The following NELL1 variants were observed in gnomAD, a reference collection of about 807,000 sequenced individuals.
The protein encoded by NELL1 is neural EGFL like 1, also known as protein kinase C-binding protein NELL1.
NELL1 carries 76 observed loss-of-function variants against 107.4 expected under a neutral mutation model. That is an observed-to-expected ratio of 0.71 (90% confidence interval 0.59 to 0.86). The LOEUF is 0.86. Among genes scored for constraint, NELL1 ranks in the 40% least tolerant of loss-of-function variants. The pLI, the probability that NELL1 is intolerant of heterozygous loss-of-function variation, is 0.00. For synonymous variants in NELL1, 353 were observed against 341.2 expected, an observed-to-expected ratio of 1.03 and a Z score of -0.38; for missense variants, 1,024 against 1,005.5, an observed-to-expected ratio of 1.02 and a Z score of -0.25.
At chr11:20,821,331 C>A (rs1206827524) in intron 3 of NELL1, among the ~76,000 whole-genome samples, 2 of 152,172 alleles carry the variant, frequency 1.3e-5, no homozygotes, top group African/African-American at 4.8e-5. Context: ...GAGTTTACCA[C>A]TGAGCAGCTT....
intron 5 of NELL1, among the ~76,000 whole-genome samples, chr11:20,895,144 C>T (rs1457657889): frequency 3.5e-5 from 5 of 141,766 alleles, no homozygotes; most frequent in South Asian, 4.6e-4. Flanking sequence ...TAGTGGCGGG[C>T]GCCTGTAGTC....
Position 21,450,063 on chromosome 11 carries a change from C to A in NELL1, c.1645+79115C>A, listed in dbSNP as rs1008375497. On this transcript the variant is annotated intron_variant, in intron 15 of 19. Transcript: ENST00000357134. ...AATTCCTAGCTTGCCTAGTTGGTGA[C>A]CTGTTAACACTAATGAAAATGGCTA... Among the ~76,000 whole-genome samples the A allele has an allele frequency of 2.0e-5, 3 of 152,236 alleles. No homozygotes were observed. The South Asian group carries it at 6.2e-4, about 32-fold the overall frequency.
chr11:21,309,268 A>G (rs1303619219), intron 14 of NELL1, among the ~76,000 whole-genome samples: 8 of 36,156 alleles, frequency 2.2e-4, no homozygotes, highest in African/African-American at 8.2e-4. Flanking sequence ...ATGTATATAT[A>G]TATATATATA....
intron 4 of NELL1, among the ~76,000 whole-genome samples, chr11:20,873,570 G>A (rs947672258): frequency 6.6e-6 from 1 of 152,094 alleles, no homozygotes; most frequent in Admixed American, 6.5e-5. Flanking sequence ...GTGCTTACAC[G>A]GAAAATCCTG....
intron 14 of NELL1, among the ~76,000 whole-genome samples, chr11:21,279,436 C>T (rs915517889): frequency 6.6e-6 from 1 of 152,068 alleles, no homozygotes; most frequent in Admixed American, 6.6e-5. Flanking sequence ...AATGAACAAC[C>T]TGATTAAAAA....
At chr11:21,167,254 T>C (rs1201287395) in intron 13 of NELL1, among the ~76,000 whole-genome samples, 1 of 151,854 alleles carries the variant, frequency 6.6e-6, no homozygotes, top group Non-Finnish European at 1.5e-5. Context: ...AGCCACATAC[T>C]TTTCAGTTTT....
At chr11:21,123,153 T>C (rs1855408920) in intron 13 of NELL1, among the ~76,000 whole-genome samples, 1 of 152,210 alleles carries the variant, frequency 6.6e-6, no homozygotes, top group African/African-American at 2.4e-5. Flanking sequence ...AGATTTATTG[T>C]CATGTCTCAT....
At chr11:21,240,458 C>A (rs1308728375) in intron 14 of NELL1, among the ~76,000 whole-genome samples, 2 of 151,912 alleles carry the variant, frequency 1.3e-5, no homozygotes, top group South Asian at 4.2e-4. Context: ...GAAGGTTACG[C>A]TTAAAGGTCT....
At chr11:21,054,595 C>T (rs1450391023) in intron 12 of NELL1, among the ~76,000 whole-genome samples, 3 of 152,018 alleles carry the variant, frequency 2.0e-5, no homozygotes, top group African/African-American at 7.2e-5. Context: ...ACCGGATTGT[C>T]TTCACTAATA....
At chr11:20,719,804 C>G (rs1715267) in intron 2 of NELL1, among the ~76,000 whole-genome samples, 12,860 of 152,166 alleles carry the variant, frequency 0.085, 1,212 homozygotes, top group African/African-American at 0.23. Flanking sequence ...TTTTTATCAT[C>G]TATTTAATTC....
intron 14 of NELL1, among the ~76,000 whole-genome samples, chr11:21,231,262 C>G (rs1490524444): frequency 6.6e-6 from 1 of 152,018 alleles, no homozygotes; most frequent in Non-Finnish European, 1.5e-5. Context: ...TACATAAAGA[C>G]TGGAAACATG....
At chr11:21,119,990 TA>T (rs1855328407) in intron 13 of NELL1, among the ~76,000 whole-genome samples, 1 of 152,258 alleles carries the variant, frequency 6.6e-6, no homozygotes, top group South Asian at 2.1e-4. Context: ...CATTCATTTT[TA>T]TGCCAAAAGC....
chr11:21,107,094 C>G (rs1565063480), intron 12 of NELL1, among the ~76,000 whole-genome samples: 1 of 152,282 alleles, frequency 6.6e-6, no homozygotes, highest in Non-Finnish European at 1.5e-5. Context: ...TTATCAATAT[C>G]CCTCACCTGA....
At chr11:21,009,986 C>G (rs1038678084) in intron 12 of NELL1, among the ~76,000 whole-genome samples, 1 of 144,816 alleles carries the variant, frequency 6.9e-6, no homozygotes. Context: ...CTAATCTTCT[C>G]CCTGTGCTGT....
intron 2 of NELL1, among the ~76,000 whole-genome samples, chr11:20,720,908 T>G (rs1855365716): frequency 6.6e-6 from 1 of 152,128 alleles, no homozygotes; most frequent in Non-Finnish European, 1.5e-5. Flanking sequence ...CTTCAACATA[T>G]GAATTTTTGG....
chr11:20,880,088 C>T (rs1398571315), intron 4 of NELL1, among the ~76,000 whole-genome samples: 1 of 152,164 alleles, frequency 6.6e-6, no homozygotes, highest in Admixed American at 6.5e-5. Context: ...AAACCTAAGA[C>T]TTAAATTTTG....
chr11:21,364,611 T>C (rs998593384), intron 14 of NELL1, among the ~76,000 whole-genome samples: 5 of 152,072 alleles, frequency 3.3e-5, no homozygotes, highest in African/African-American at 1.2e-4. Flanking sequence ...GCATTATACA[T>C]ACTAAGAATA....
chr11:21,032,802 C>T (rs1450336522), intron 12 of NELL1, among the ~76,000 whole-genome samples: 1 of 152,176 alleles, frequency 6.6e-6, no homozygotes, highest in Non-Finnish European at 1.5e-5. Flanking sequence ...TATTATTATA[C>T]TGCACAGTCA....
intron 15 of NELL1, among the ~76,000 whole-genome samples, chr11:21,432,433 C>T (rs1852990424): frequency 6.6e-6 from 1 of 152,198 alleles, no homozygotes; most frequent in East Asian, 1.9e-4. Context: ...GATTCTCCAC[C>T]CTAAACCTCA....
Sources: allele counts gnomAD v4.1 joint callset (sites outside exome capture counted in the v4.1 genomes callset), GRCh38; gene constraint gnomAD v4.1.1; transcripts MANE v1.5; gene names NCBI Gene and HGNC (gene_info 2026-07-23, HGNC 2026-07-21).